RLN2: variants seen among roughly 807,000 people sequenced by gnomAD.
RLN2 encodes relaxin 2, also known as prorelaxin H2.
In RLN2, 10 loss-of-function variants were observed where a neutral mutation model predicts 7.3. The ratio of observed to expected loss-of-function variants is 1.36; its 90% CI spans 0.84 to 2.31. RLN2 has a LOEUF of 2.31. RLN2 is among the 30% of genes most tolerant of loss of function. RLN2 has a pLI of 0.00. For missense variants in RLN2, 298 were observed against 217.6 expected (o/e 1.37, Z -2.32); for synonymous variants, 103 against 82.3 (o/e 1.25, Z -1.36).
At chr9:5,318,007 C>CGCGTGTGTGTGTGTGT in the RLN2 span, among the ~76,000 whole-genome samples, 1 of 147,948 alleles carries the variant, frequency 6.8e-6, no homozygotes, top group Non-Finnish European at 1.5e-5. Context: ...TGTGTGTGTG[C>CGCGTGTGTGTGTGTGT]GTGTGTGTGT....
At chr9:5,317,508 G>A in the RLN2 span, among the ~76,000 whole-genome samples, 1 of 149,310 alleles carries the variant, frequency 6.7e-6, no homozygotes, top group Non-Finnish European at 1.5e-5. Context: ...GGGAGAACTG[G>A]CCCTACTAGA....
chr9:5,320,587 T>C, the RLN2 span, among the ~76,000 whole-genome samples: 1 of 151,748 alleles, frequency 6.6e-6, no homozygotes, highest in Non-Finnish European at 1.5e-5. Flanking sequence ...GCCAGGCTGC[T>C]CTCAAACTTC....
the RLN2 span, among the ~76,000 whole-genome samples, chr9:5,329,078 TGG>T: frequency 6.7e-6 from 1 of 148,928 alleles, no homozygotes; most frequent in African/African-American, 2.5e-5. Context: ...CCGAGGCGGG[TGG>T]ATCATGAGGT....
chr9:5,304,044 C>T, intron 1 of RLN2: 1 of 211,092 alleles, frequency 4.7e-6, no homozygotes. Flanking sequence ...GGCGGCGTCA[C>T]CTCCTCTGAG....
the RLN2 span, among the ~76,000 whole-genome samples, chr9:5,315,980 T>C: frequency 7.2e-5 from 11 of 152,022 alleles, no homozygotes; most frequent in Admixed American, 4.6e-4. Context: ...AAAAGGACAC[T>C]AGTTACTAAT....
chr9:5,314,218 G>A, the RLN2 span, among the ~76,000 whole-genome samples: 1 of 152,074 alleles, frequency 6.6e-6, no homozygotes, highest in Admixed American at 6.5e-5. Context: ...GGGATAGGTA[G>A]CCACAGTACA....
chr9:5,316,456 G>T, the RLN2 span, among the ~76,000 whole-genome samples: 2 of 151,832 alleles, frequency 1.3e-5, no homozygotes, highest in Non-Finnish European at 2.9e-5. Context: ...CTCACCCCCT[G>T]AAAGGCCCTG....
At chr9:5,334,346 A>C in the RLN2 span, among the ~76,000 whole-genome samples, 1 of 152,062 alleles carries the variant, frequency 6.6e-6, no homozygotes, top group Non-Finnish European at 1.5e-5. Context: ...AAATTTACAG[A>C]CATTTGATGG....
At chr9:5,336,744 A>G in the RLN2 span, among the ~76,000 whole-genome samples, 27 of 151,982 alleles carry the variant, frequency 1.8e-4, no homozygotes, top group Non-Finnish European at 3.5e-4. Context: ...GGACAGGAAA[A>G]CTATCCAATA....
chr9:5,315,726 G>C, the RLN2 span, among the ~76,000 whole-genome samples: 1 of 152,038 alleles, frequency 6.6e-6, no homozygotes, highest in Non-Finnish European at 1.5e-5. Context: ...TATATGAGAG[G>C]ATTCCCATTA....
upstream of RLN2, among the ~76,000 whole-genome samples, chr9:5,309,184 C>T (rs1816303781): frequency 6.6e-6 from 1 of 152,024 alleles, no homozygotes; most frequent in Non-Finnish European, 1.5e-5. Flanking sequence ...CTTCTTTGTT[C>T]CTAGAGGGAC....
chr9:5,336,927 G>T, the RLN2 span, among the ~76,000 whole-genome samples: 2 of 151,912 alleles, frequency 1.3e-5, no homozygotes, highest in South Asian at 2.1e-4. Flanking sequence ...TGTGGCAAAA[G>T]AATCAGTTGT....
At chr9:5,309,200 A>G (rs1816304091), upstream of RLN2, among the ~76,000 whole-genome samples, 1 of 152,044 alleles carries the variant, frequency 6.6e-6, no homozygotes, top group Non-Finnish European at 1.5e-5. Flanking sequence ...GGGACAGAGG[A>G]GCCAGTTCAG....
the RLN2 span, among the ~76,000 whole-genome samples, chr9:5,317,345 G>A: frequency 2.0e-5 from 3 of 151,518 alleles, no homozygotes; most frequent in Admixed American, 2.0e-4. Context: ...CACATACCCT[G>A]GGAGGCTGAA....
the RLN2 span, among the ~76,000 whole-genome samples, chr9:5,324,034 A>G: frequency 8.6e-5 from 13 of 151,964 alleles, no homozygotes; most frequent in South Asian, 2.1e-4. Flanking sequence ...GCAACAGAGT[A>G]AGACTCTGTC....
chr9:5,314,326 A>G, the RLN2 span, among the ~76,000 whole-genome samples: 1 of 151,992 alleles, frequency 6.6e-6, no homozygotes, highest in Admixed American at 6.6e-5. Flanking sequence ...CTTGGGGCCA[A>G]GCTGCAGTGG....
At chr9:5,313,050 C>A in the RLN2 span, among the ~76,000 whole-genome samples, 1 of 151,946 alleles carries the variant, frequency 6.6e-6, no homozygotes, top group South Asian at 2.1e-4. Flanking sequence ...AATGTGTATT[C>A]TGCTGCTGTT....
upstream of RLN2, among the ~76,000 whole-genome samples, chr9:5,307,189 T>A (rs1816266533): frequency 6.6e-6 from 1 of 151,838 alleles, no homozygotes; most frequent in Non-Finnish European, 1.5e-5. Flanking sequence ...AGTAACTTTT[T>A]AAGGTTTTTC....
chr9:5,335,413 A>C, the RLN2 span: 1 of 1,613,730 alleles, frequency 6.2e-7, no homozygotes, highest in East Asian at 2.2e-5. Flanking sequence ...TATTGCGAAT[A>C]AGTTTCTTAA....
Sources: allele counts gnomAD v4.1 joint callset (sites outside exome capture counted in the v4.1 genomes callset), GRCh38; gene constraint gnomAD v4.1.1; transcripts MANE v1.5; gene names NCBI Gene and HGNC (gene_info 2026-07-23, HGNC 2026-07-21).